The following AUTS2 variants were observed in gnomAD, a reference collection of about 807,000 sequenced individuals.
The protein encoded by AUTS2 is autism susceptibility gene 2 protein.
A neutral mutation model predicts 112.4 loss-of-function variants in AUTS2; 17 were observed. The observed-to-expected ratio is 0.15, with a 90% CI of 0.10 to 0.23. The LOEUF is 0.23. AUTS2 is among the 10% of genes least tolerant of loss of function. The probability of loss-of-function intolerance (pLI) is 1.00; values close to 1 mark genes in which losing one functional copy is unlikely to be tolerated. For missense variants in AUTS2, 1,510 were observed against 1,701.6 expected, an observed-to-expected ratio of 0.89 and a Z score of 1.98; for synonymous variants, 751 against 702.7, an observed-to-expected ratio of 1.07 and a Z score of -1.09.
intron 2 of AUTS2, among the ~76,000 whole-genome samples, chr7:69,967,302 G>A (rs886665787): frequency 1.4e-5 from 2 of 138,890 alleles, no homozygotes; most frequent in Non-Finnish European, 3.1e-5. Context: ...GGAGAAGGTT[G>A]TCCTTCTGGG....
In AUTS2 at chr7:70,214,724, T is replaced by G. The variant is rs550628903; in HGVS notation, c.660+80153T>G. On this transcript the variant is annotated intron_variant, in intron 4 of 18. Coordinates refer to ENST00000342771, the MANE Select transcript of AUTS2 (RefSeq NM_015570.4). ...TCAGACATGCTCTGTGGAAGGTTTC[T>G]GGAATGGTCACTTCGATACCTTGGA... Among the ~76,000 whole-genome samples the G allele has an allele frequency of 7.9e-5, 12 of 152,326 alleles. No individual in the cohort carries two copies. In the East Asian group the frequency reaches 2.3e-3, roughly 29 times the overall value.
chr7:69,845,351 G>A lies in AUTS2; in HGVS notation c.310-53935G>A, dbSNP rs569350440. ...CTCCGTTATCCCTGCCCTCAAACTG[G>A]CAAAGAGAATCAAGAAGACCTTGAT... On this transcript the variant is annotated intron_variant, in intron 1 of 18. Transcript: ENST00000342771. 2.6e-5 allele frequency among the ~76,000 whole-genome samples: 4 copies of A among 152,202 alleles called. No individual in the cohort carries two copies. In the South Asian group the frequency reaches 6.2e-4, roughly 24 times the overall value.
At chr7:70,487,960 C>G (rs1052960306) in intron 5 of AUTS2, among the ~76,000 whole-genome samples, 22 of 152,192 alleles carry the variant, frequency 1.4e-4, no homozygotes, top group African/African-American at 5.1e-4. Context: ...AGAGAAGCCC[C>G]TCGTAGAGGG....
intron 6 of AUTS2, among the ~76,000 whole-genome samples, chr7:70,739,120 G>T (rs547704535): frequency 7.2e-6 from 1 of 138,538 alleles, no homozygotes; most frequent in East Asian, 2.4e-4. Context: ...TCTACCTCTA[G>T]GGTTCAAACA....
chr7:70,082,001 C>A (rs1803348222), intron 2 of AUTS2, among the ~76,000 whole-genome samples: 1 of 149,258 alleles, frequency 6.7e-6, no homozygotes, highest in African/African-American at 2.5e-5. Context: ...TTAGATTTTT[C>A]TGTGAAGAGT....
chr7:69,911,819 A>T (rs1489035168), intron 2 of AUTS2, among the ~76,000 whole-genome samples: 1 of 152,174 alleles, frequency 6.6e-6, no homozygotes, highest in East Asian at 1.9e-4. Context: ...CCAAATGGTC[A>T]TCAATGAAGT....
At chr7:70,499,968 C>T (rs1179029126) in intron 5 of AUTS2, among the ~76,000 whole-genome samples, 2 of 152,124 alleles carry the variant, frequency 1.3e-5, no homozygotes, top group African/African-American at 2.4e-5. Flanking sequence ...ACCATCCTTG[C>T]CTGATCCTGA....
In AUTS2 at chr7:70,781,713, C is replaced by T. The variant is rs752826428; in HGVS notation, c.2103C>T (p.His701=). ...PGPSLFGAIH[H]PHDLARPSTL... is the part of the protein sequence containing the mutation. Reference sequence around the variant, plus strand: ...CCAGTCTTTTTGGAGCCATCCACCACCCCCATGACCTGGCACGGCCTTCAA... The same window carrying T: ...CCAGTCTTTTTGGAGCCATCCACCATCCCCATGACCTGGCACGGCCTTCAA... The change falls in exon 15 of 19, where the codon CAC becomes CAT. Residue 701 remains histidine, a synonymous_variant. Transcript: ENST00000342771. 1 of 1,614,210 alleles carries T rather than the reference C, an allele frequency of 6.2e-7. No homozygotes were observed. Among genetic ancestry groups the T allele is most frequent in the African/African-American group, 1.3e-5 (1 of 75,058 alleles).
chr7:69,886,431 A>T (rs1428372420), intron 1 of AUTS2, among the ~76,000 whole-genome samples: 1 of 152,216 alleles, frequency 6.6e-6, no homozygotes, highest in Non-Finnish European at 1.5e-5. Flanking sequence ...GGACTGCCTC[A>T]CATATATACA....
intron 4 of AUTS2, among the ~76,000 whole-genome samples, chr7:70,236,158 C>T (rs753578651): frequency 3.6e-4 from 55 of 151,974 alleles, no homozygotes; most frequent in African/African-American, 1.3e-3. Flanking sequence ...TGGTACATAG[C>T]GAAACTCAGT....
chr7:69,668,213 A>C (rs970186758), intron 1 of AUTS2, among the ~76,000 whole-genome samples: 5 of 152,068 alleles, frequency 3.3e-5, no homozygotes, highest in Non-Finnish European at 5.9e-5. Context: ...GCTTTTATTC[A>C]GTTTTTGTGG....
intron 1 of AUTS2, among the ~76,000 whole-genome samples, chr7:69,805,945 C>T (rs1224188683): frequency 1.3e-5 from 2 of 152,152 alleles, no homozygotes; most frequent in African/African-American, 4.8e-5. Context: ...GTTGCCCAGG[C>T]TGGAGTGCAG....
intron 1 of AUTS2, among the ~76,000 whole-genome samples, chr7:69,722,092 G>T (rs937985265): frequency 6.6e-6 from 1 of 151,376 alleles, no homozygotes; most frequent in South Asian, 2.1e-4. Flanking sequence ...AGCAAAGCAG[G>T]ATGTGACTTT....
intron 4 of AUTS2, among the ~76,000 whole-genome samples, chr7:70,345,970 C>T (rs554624333): frequency 6.6e-6 from 1 of 152,170 alleles, no homozygotes; most frequent in African/African-American, 2.4e-5. Flanking sequence ...AGAAGTCTAT[C>T]ATTTTTTTTT....
chr7:70,027,927 G>A (rs552314467), intron 2 of AUTS2, among the ~76,000 whole-genome samples: 4 of 152,236 alleles, frequency 2.6e-5, no homozygotes, highest in African/African-American at 9.6e-5. Context: ...TATTTAGGGT[G>A]GAGAACTTTA....
chr7:70,124,232 T>C (rs1168973882), intron 3 of AUTS2, among the ~76,000 whole-genome samples: 1 of 152,226 alleles, frequency 6.6e-6, no homozygotes, highest in African/African-American at 2.4e-5. Flanking sequence ...TTTGTTTAGC[T>C]CCTTATAGAT....
chr7:69,671,465 G>A (rs1796317500), intron 1 of AUTS2, among the ~76,000 whole-genome samples: 1 of 101,624 alleles, frequency 9.8e-6, no homozygotes, highest in East Asian at 3.4e-4. Context: ...AGCACAAAAT[G>A]TTTTGGCTGC....
intron 5 of AUTS2, among the ~76,000 whole-genome samples, chr7:70,630,618 T>C (rs549899867): frequency 6.6e-6 from 1 of 152,200 alleles, no homozygotes; most frequent in Non-Finnish European, 1.5e-5. Flanking sequence ...GAGAGGCCCA[T>C]GCAGTGAGTG....
At chr7:70,373,182 TC>T (rs1217837267) in intron 4 of AUTS2, among the ~76,000 whole-genome samples, 2 of 149,400 alleles carry the variant, frequency 1.3e-5, no homozygotes, top group Non-Finnish European at 3.0e-5. Context: ...GATGAGAGGG[TC>T]TGTGGGAGGG....
Sources: gnomAD v4.1 joint callset for allele counts (sites outside exome capture counted in the v4.1 genomes callset) on GRCh38, gnomAD v4.1.1 for gene constraint, MANE v1.5 for transcripts, NCBI Gene and HGNC (gene_info 2026-07-23, HGNC 2026-07-21) for gene names.